Variants in UBE3D observed in about 807,000 individuals in gnomAD.
The protein encoded by UBE3D is E3 ubiquitin-protein ligase E3D.
In UBE3D, 48 loss-of-function variants were observed where a neutral mutation model predicts 49.6. That is an observed-to-expected ratio of 0.97 (90% CI 0.77 to 1.23). The LOEUF (loss-of-function observed/expected upper bound fraction) is 1.23, where lower values mean the gene tolerates loss of function less well. Ranked by LOEUF, UBE3D falls within the 50% of genes most tolerant of loss-of-function variation. The pLI, the probability that UBE3D is intolerant of heterozygous loss-of-function variation, is 0.00. For synonymous variants in UBE3D, 189 were observed against 174.2 expected (o/e 1.08, Z -0.67); for missense variants, 452 against 468.4 (o/e 0.96, Z 0.32).
intron 9 of UBE3D, among the ~76,000 whole-genome samples, chr6:82,930,019 C>T (rs1270677945): frequency 6.6e-6 from 1 of 152,106 alleles, no homozygotes; most frequent in Non-Finnish European, 1.5e-5. Flanking sequence ...TCTTTAGTTC[C>T]CATAATCCCC....
Position 83,065,770 on chromosome 6 carries a change from G to A in UBE3D, c.-52C>T. 6.5e-7 allele frequency: 1 copy of A among 1,545,974 alleles called. No homozygotes were observed. Among genetic ancestry groups the A allele is most frequent in the East Asian group, 2.4e-5 (1 of 41,606 alleles). On this transcript the variant is annotated 5_prime_UTR_variant, in exon 1 of 10. Coordinates refer to ENST00000369747, the MANE Select transcript of UBE3D (RefSeq NM_198920.3). ...CAAGCTGGAGGTTCCGAGGGGCCCG[G>A]GTCAACAGGACCAGGAGAGGTTCCA...
chr6:82,976,454 C>G (rs1777723773), intron 8 of UBE3D, among the ~76,000 whole-genome samples: 1 of 152,112 alleles, frequency 6.6e-6, no homozygotes, highest in Non-Finnish European at 1.5e-5. Flanking sequence ...TACAATTTTC[C>G]CTCCATTTAC....
intron 8 of UBE3D, among the ~76,000 whole-genome samples, chr6:83,016,472 A>C (rs965242913): frequency 1.3e-5 from 2 of 152,120 alleles, no homozygotes; most frequent in African/African-American, 4.8e-5. Context: ...CATATTAAAC[A>C]GCCAACTCCA....
downstream of UBE3D, among the ~76,000 whole-genome samples, chr6:82,888,902 G>T (rs1281770659): frequency 6.6e-6 from 1 of 152,162 alleles, no homozygotes; most frequent in Non-Finnish European, 1.5e-5. Flanking sequence ...TTTTCTCCCA[G>T]ATTAAGTTTT....
intron 3 of UBE3D, among the ~76,000 whole-genome samples, chr6:83,046,905 C>A (rs1783098036): frequency 6.6e-6 from 1 of 151,948 alleles, no homozygotes; most frequent in Non-Finnish European, 1.5e-5. Context: ...TCTGAGCTGG[C>A]CTTTGAAAGA....
At chr6:83,060,386 G>A (rs1784099351) in intron 1 of UBE3D, among the ~76,000 whole-genome samples, 1 of 152,340 alleles carries the variant, frequency 6.6e-6, no homozygotes, top group African/African-American at 2.4e-5. Flanking sequence ...AGACCCTATG[G>A]TGGTGGGGCA....
At chr6:82,951,990 G>A (rs991419984) in intron 9 of UBE3D, among the ~76,000 whole-genome samples, 2 of 152,050 alleles carry the variant, frequency 1.3e-5, no homozygotes, top group African/African-American at 4.8e-5. Flanking sequence ...CCCATAAAAT[G>A]CCCCTAGAAA....
intron 9 of UBE3D, 101 bp from the exon 10 acceptor site, chr6:82,893,143 T>G: frequency 1.5e-6 from 2 of 1,367,908 alleles, no homozygotes; most frequent in Non-Finnish European, 2.1e-6. Flanking sequence ...GTCAATAAGA[T>G]CATATGCTTG....
rs370578233 is a variant in UBE3D at position 82,984,117 on chromosome 6, G to A, written c.1011-26667C>T. Among the ~76,000 whole-genome samples the A allele has an allele frequency of 1.3e-4, 20 of 151,838 alleles. No individual in the cohort carries two copies. The East Asian group carries it at 1.4e-3, about 10-fold the overall frequency. On this transcript the variant is annotated intron_variant, in intron 8 of 9. Coordinates refer to ENST00000369747, the MANE Select transcript of UBE3D (RefSeq NM_198920.3). ...TATAAATAACTTTATTTAAATCTTAGTTTAGCCTTTGATTTTTAAAATATA... is the reference window on the plus strand; with the variant it reads ...TATAAATAACTTTATTTAAATCTTAATTTAGCCTTTGATTTTTAAAATATA...
chr6:83,023,103 C>G (rs1032458143), intron 6 of UBE3D, among the ~76,000 whole-genome samples: 3 of 152,114 alleles, frequency 2.0e-5, no homozygotes, highest in Non-Finnish European at 2.9e-5. Flanking sequence ...TCATGGTTAA[C>G]TTGTTTGCAA....
chr6:82,988,328 T>C (rs1421488218), intron 8 of UBE3D, among the ~76,000 whole-genome samples: 2 of 152,210 alleles, frequency 1.3e-5, no homozygotes, highest in Non-Finnish European at 2.9e-5. Context: ...TTTTATTACA[T>C]TGTTCTGGAA....
At chr6:83,011,533 A>G (rs112602094) in intron 8 of UBE3D, among the ~76,000 whole-genome samples, 5,975 of 152,194 alleles carry the variant, frequency 0.039, 328 homozygotes, top group African/African-American at 0.11. Flanking sequence ...AGATGCCCTA[A>G]TGGATCTCCT....
chr6:82,992,265 CGGGCT>C (rs2127733662), intron 8 of UBE3D, among the ~76,000 whole-genome samples: 1 of 143,142 alleles, frequency 7.0e-6, no homozygotes, highest in South Asian at 2.3e-4. Context: ...CTCTGTTGCC[CGGGCT>C]GGAGTGGAAT....
intron 8 of UBE3D, among the ~76,000 whole-genome samples, chr6:82,987,358 C>T (rs1778593424): frequency 1.3e-5 from 2 of 152,056 alleles, no homozygotes; most frequent in Non-Finnish European, 2.9e-5. Flanking sequence ...TAGTAGTTTT[C>T]TCATGGATGC....
At chr6:82,909,387 C>T (rs946608155) in intron 9 of UBE3D, among the ~76,000 whole-genome samples, 2 of 152,268 alleles carry the variant, frequency 1.3e-5, no homozygotes, top group South Asian at 4.1e-4. Context: ...TTCAGGCCTT[C>T]CCTAACACTT....
chr6:82,923,092 T>A (rs293501), intron 9 of UBE3D, among the ~76,000 whole-genome samples: 29 of 152,138 alleles, frequency 1.9e-4, no homozygotes, highest in African/African-American at 6.5e-4. Context: ...GAAATAGGAA[T>A]GCTTTTACAC....
At chr6:83,050,308 C>T in intron 3 of UBE3D, among the ~76,000 whole-genome samples, 1 of 150,958 alleles carries the variant, frequency 6.6e-6, no homozygotes, top group East Asian at 1.9e-4. Flanking sequence ...TCACAAAGTA[C>T]ATGAAACCCC....
At chr6:83,035,749 A>G (rs940140648) in intron 5 of UBE3D, among the ~76,000 whole-genome samples, 1 of 152,190 alleles carries the variant, frequency 6.6e-6, no homozygotes, top group Non-Finnish European at 1.5e-5. Context: ...CTGAAGTCCT[A>G]GCTCTGGAAA....
chr6:82,882,329 G>A, the UBE3D span, among the ~76,000 whole-genome samples: 2 of 152,040 alleles, frequency 1.3e-5, no homozygotes, highest in South Asian at 2.1e-4. Flanking sequence ...AGGCTTTATC[G>A]GAATATAAAA....
Sources: gnomAD v4.1 joint callset for allele counts (sites outside exome capture counted in the v4.1 genomes callset) on GRCh38, gnomAD v4.1.1 for gene constraint, MANE v1.5 for transcripts, NCBI Gene and HGNC (gene_info 2026-07-23, HGNC 2026-07-21) for gene names.